Variants in PDE7B observed in about 807,000 individuals in gnomAD.
PDE7B encodes phosphodiesterase 7B.
A neutral mutation model predicts 56.2 loss-of-function variants in PDE7B; 29 were observed. That is an observed-to-expected ratio of 0.52 (90% CI 0.38 to 0.70). PDE7B has a LOEUF of 0.70. Ranked by LOEUF, PDE7B falls within the 30% of genes least tolerant of loss-of-function variation. The pLI, the probability that PDE7B is intolerant of heterozygous loss-of-function variation, is 0.00. For missense variants in PDE7B, 490 were observed against 565.0 expected, an observed-to-expected ratio of 0.87 and a Z score of 1.35; for synonymous variants, 197 against 196.9, an observed-to-expected ratio of 1.00 and a Z score of 0.00.
intron 12 of PDE7B, among the ~76,000 whole-genome samples, chr6:136,188,608 C>T (rs182757969): frequency 6.6e-6 from 1 of 152,278 alleles, no homozygotes; most frequent in East Asian, 1.9e-4. Flanking sequence ...TTTGAACCCC[C>T]CAAACAAAAG....
chr6:136,079,487 G>C (rs1250352255), intron 2 of PDE7B, among the ~76,000 whole-genome samples: 1 of 152,068 alleles, frequency 6.6e-6, no homozygotes, highest in Non-Finnish European at 1.5e-5. Context: ...ATGGCTGGTG[G>C]CTACTGTATT....
intron 1 of PDE7B, among the ~76,000 whole-genome samples, chr6:135,894,996 A>G (rs1404883738): frequency 6.6e-6 from 1 of 152,126 alleles, no homozygotes; most frequent in East Asian, 1.9e-4. Context: ...AAATGTGCTA[A>G]AAAGGGTTTA....
intron 3 of PDE7B, among the ~76,000 whole-genome samples, chr6:136,146,093 A>G (rs1045624427): frequency 1.3e-5 from 2 of 152,134 alleles, no homozygotes; most frequent in African/African-American, 4.8e-5. Flanking sequence ...TTGGTCACTC[A>G]CTGCCATCAG....
intron 1 of PDE7B, among the ~76,000 whole-genome samples, chr6:135,934,737 AAAATATATATATATATATTTTTT>A (rs1242633469): frequency 4.0e-5 from 4 of 100,332 alleles, no homozygotes; most frequent in African/African-American, 1.1e-4. Context: ...CTCAAAAAAA[AAAATATATATATATATATTTTTT>A]AAATATATAT....
chr6:135,890,382 A>G (rs192158160), intron 1 of PDE7B, among the ~76,000 whole-genome samples: 1 of 152,308 alleles, frequency 6.6e-6, no homozygotes, highest in African/African-American at 2.4e-5. Flanking sequence ...TGTGCGTTCA[A>G]ACTGGTCAAA....
chr6:136,149,570 G>T lies in PDE7B; in HGVS notation c.382+420G>T, dbSNP rs559097736. On this transcript the variant is annotated intron_variant, in intron 5 of 12. Transcript: ENST00000308191. ...AGTGAGCTAAATCTGCCCTGTTGCG[G>T]GTATTGCTCAAATGTGTTTGACATC... Among the ~76,000 whole-genome samples, 11 of 152,266 alleles carry T rather than the reference G, an allele frequency of 7.2e-5. No individual in the cohort carries two copies. In the East Asian group the frequency reaches 1.9e-3, roughly 27 times the overall value.
intron 2 of PDE7B, among the ~76,000 whole-genome samples, chr6:136,028,765 C>T (rs914931032): frequency 2.0e-4 from 30 of 152,328 alleles, no homozygotes; most frequent in South Asian, 1.0e-3. Flanking sequence ...TCCAGATAAT[C>T]CAGATATTCT....
At chr6:136,005,191 A>G (rs940495726) in intron 2 of PDE7B, among the ~76,000 whole-genome samples, 1 of 152,206 alleles carries the variant, frequency 6.6e-6, no homozygotes. Flanking sequence ...TACACCTTAT[A>G]CAAAAATTAA....
chr6:136,054,816 G>A (rs1282200568), intron 2 of PDE7B, among the ~76,000 whole-genome samples: 2 of 152,188 alleles, frequency 1.3e-5, no homozygotes, highest in African/African-American at 4.8e-5. Flanking sequence ...GGTGGAAGAT[G>A]AAGGAAAAGC....
At chr6:136,170,694 C>T (rs965566400) in intron 8 of PDE7B, among the ~76,000 whole-genome samples, 1 of 152,146 alleles carries the variant, frequency 6.6e-6, no homozygotes, top group African/African-American at 2.4e-5. Flanking sequence ...ATAGAGGGGG[C>T]TGTACCTTGG....
At chr6:135,888,857 C>CT (rs1775757586) in intron 1 of PDE7B, among the ~76,000 whole-genome samples, 1 of 151,944 alleles carries the variant, frequency 6.6e-6, no homozygotes, top group African/African-American at 2.4e-5. Context: ...TTAATATAAT[C>CT]TACCACAAGC....
intron 1 of PDE7B, among the ~76,000 whole-genome samples, chr6:135,887,699 T>G (rs1175688267): frequency 6.6e-6 from 1 of 151,534 alleles, no homozygotes; most frequent in Non-Finnish European, 1.5e-5. Context: ...TAATTGGCTA[T>G]GCAAATCTAC....
chr6:136,050,519 A>G (rs1269138521), intron 2 of PDE7B, among the ~76,000 whole-genome samples: 3 of 152,142 alleles, frequency 2.0e-5, no homozygotes, highest in African/African-American at 7.2e-5. Flanking sequence ...CTTAACCATT[A>G]TAAATAAAAT....
In PDE7B at chr6:136,035,816, T is replaced by G. The variant is rs371884256; in HGVS notation, c.83-72915T>G. On this transcript the variant is annotated intron_variant, in intron 2 of 12. Coordinates refer to ENST00000308191, the MANE Select transcript of PDE7B (RefSeq NM_018945.4). Reference sequence around the variant, plus strand: ...AATGGAAATGTATATCCTTGGATTTTTTTTAAAAAGTCATTCTTGAAGAAA... The same window carrying G: ...AATGGAAATGTATATCCTTGGATTTGTTTTAAAAAGTCATTCTTGAAGAAA... Among the ~76,000 whole-genome samples, 7 of 152,362 alleles carry G rather than the reference T, an allele frequency of 4.6e-5. No individual in the cohort carries two copies. In the East Asian group the frequency reaches 9.6e-4, roughly 21 times the overall value.
chr6:135,856,654 C>T (rs1775033607), intron 1 of PDE7B, among the ~76,000 whole-genome samples: 1 of 152,102 alleles, frequency 6.6e-6, no homozygotes, highest in Non-Finnish European at 1.5e-5. Context: ...AGCATTCCAG[C>T]TGGTGTCTGC....
intron 2 of PDE7B, among the ~76,000 whole-genome samples, chr6:136,058,885 A>G (rs546165941): frequency 6.6e-6 from 1 of 152,334 alleles, no homozygotes; most frequent in East Asian, 1.9e-4. Context: ...TGGGGGGAAA[A>G]AAGTGATTTA....
chr6:136,053,369 C>T (rs540588168), intron 2 of PDE7B, among the ~76,000 whole-genome samples: 103 of 152,024 alleles, frequency 6.8e-4, no homozygotes, highest in African/African-American at 2.4e-3. Context: ...TCATCCATGT[C>T]CCTAAAAAGG....
chr6:135,873,235 A>G (rs1425983287), intron 1 of PDE7B, among the ~76,000 whole-genome samples: 2 of 152,162 alleles, frequency 1.3e-5, no homozygotes, highest in Admixed American at 6.6e-5. Context: ...TGCTGTCAAG[A>G]ACACACCTGA....
intron 2 of PDE7B, among the ~76,000 whole-genome samples, chr6:136,104,717 G>A (rs1049289546): frequency 5.3e-5 from 8 of 152,166 alleles, no homozygotes; most frequent in Admixed American, 5.2e-4. Context: ...CTGTTTTCAT[G>A]TTGTGAAATT....
Sources: gnomAD v4.1 joint callset for allele counts (sites outside exome capture counted in the v4.1 genomes callset) on GRCh38, gnomAD v4.1.1 for gene constraint, MANE v1.5 for transcripts, NCBI Gene and HGNC (gene_info 2026-07-23, HGNC 2026-07-21) for gene names.